Variants in HS3ST3B1 observed in about 807,000 individuals in gnomAD.
HS3ST3B1 encodes the protein heparan sulfate-glucosamine 3-sulfotransferase 3B1.
A neutral mutation model predicts 21.3 loss-of-function variants in HS3ST3B1; 13 were observed. The ratio of observed to expected loss-of-function variants is 0.61; its 90% confidence interval spans 0.40 to 0.97. HS3ST3B1 has a LOEUF of 0.97. HS3ST3B1 is among the 50% of genes least tolerant of loss of function. The pLI is 0.00. For missense variants in HS3ST3B1, 459 were observed against 554.8 expected, an observed-to-expected ratio of 0.83 and a Z score of 1.73; for synonymous variants, 234 against 254.8, an observed-to-expected ratio of 0.92 and a Z score of 0.78.
intron 1 of HS3ST3B1, among the ~76,000 whole-genome samples, chr17:14,307,422 A>AC (rs933922370): frequency 3.3e-5 from 5 of 152,022 alleles, no homozygotes; most frequent in African/African-American, 1.2e-4. Context: ...AAAAAAAAAA[A>AC]AACTTTTTAA....
At chr17:14,313,977 TTTG>T (rs1909418396) in intron 1 of HS3ST3B1, among the ~76,000 whole-genome samples, 1 of 151,996 alleles carries the variant, frequency 6.6e-6, no homozygotes, top group African/African-American at 2.4e-5. Flanking sequence ...GGTTTCTTTT[TTTG>T]TTTTTGTTTT....
intron 1 of HS3ST3B1, among the ~76,000 whole-genome samples, chr17:14,330,716 G>T (rs1238674969): frequency 6.6e-6 from 1 of 152,118 alleles, no homozygotes; most frequent in East Asian, 1.9e-4. Flanking sequence ...ACAAGGGAAG[G>T]CTGCTTTTCT....
chr17:14,313,124 G>GTGTGTATATATATATATATATT (rs1567637231), intron 1 of HS3ST3B1, among the ~76,000 whole-genome samples: 1 of 128,798 alleles, frequency 7.8e-6, no homozygotes, highest in Non-Finnish European at 1.6e-5. Context: ...ATATATATAT[G>GTGTGTATATATATATATATATT]TGTGTGTGTG....
intron 1 of HS3ST3B1, among the ~76,000 whole-genome samples, chr17:14,330,874 C>G (rs9891833): frequency 0.43 from 65,159 of 151,786 alleles, 14,242 homozygotes; most frequent in African/African-American, 0.52. Context: ...GAAAAAAGAA[C>G]GGTGTTAGAG....
At position 14,325,297 on chromosome 17, in the gene HS3ST3B1, C is replaced by T. The variant is rs140213520; in HGVS notation, c.555-19731C>T. Among the ~76,000 whole-genome samples the T allele has an allele frequency of 2.0e-4, 30 of 152,340 alleles. No homozygotes were observed. In the East Asian group the frequency reaches 5.8e-3, roughly 29 times the overall value. ...AAAATCATGCTCTCATCAAGGTATA[C>T]AATGAGTGTGTTAAAAACCTTATTT... On this transcript the variant is annotated intron_variant, in intron 1 of 1. Coordinates refer to ENST00000360954, the MANE Select transcript of HS3ST3B1 (RefSeq NM_006041.3).
intron 1 of HS3ST3B1, among the ~76,000 whole-genome samples, chr17:14,323,053 A>C (rs2005767): frequency 6.6e-6 from 1 of 151,900 alleles, no homozygotes; most frequent in African/African-American, 2.4e-5. Flanking sequence ...TTACAGGCAC[A>C]TGCCACCATG....
chr17:14,306,651 G>A (rs867908546), intron 1 of HS3ST3B1, among the ~76,000 whole-genome samples: 1 of 152,098 alleles, frequency 6.6e-6, no homozygotes, highest in Non-Finnish European at 1.5e-5. Flanking sequence ...AAACAAAATT[G>A]CCTCCTATTT....
chr17:14,326,921 C>CAAAAAAAAAAAAAA (rs60800866), intron 1 of HS3ST3B1, among the ~76,000 whole-genome samples: 1 of 60,484 alleles, frequency 1.7e-5, no homozygotes, highest in Non-Finnish European at 3.6e-5. Context: ...AACTCTGTCT[C>CAAAAAAAAAAAAAA]AAAAAAAAAA....
chr17:14,328,086 G>A (rs111592174), intron 1 of HS3ST3B1: 181 of 152,274 alleles, frequency 1.2e-3, no homozygotes, highest in African/African-American at 4.1e-3. Flanking sequence ...GGAGATGAAC[G>A]GGAATGCTTT....
At chr17:14,341,586 T>C (rs1335524552) in intron 1 of HS3ST3B1, among the ~76,000 whole-genome samples, 1 of 152,068 alleles carries the variant, frequency 6.6e-6, no homozygotes, top group Admixed American at 6.6e-5. Flanking sequence ...GATTAAGTGA[T>C]GTGTTCCCCA....
intron 1 of HS3ST3B1, among the ~76,000 whole-genome samples, chr17:14,343,452 A>G (rs932308889): frequency 2.0e-5 from 3 of 152,180 alleles, no homozygotes; most frequent in African/African-American, 7.2e-5. Flanking sequence ...ACTGAAACTT[A>G]GAACCCCCTG....
chr17:14,345,202 C>G lies in HS3ST3B1; in HGVS notation c.729C>G (p.Ser243=). 6.6e-7 allele frequency: 1 copy of G among 1,509,814 alleles called. No homozygotes were observed. The highest frequency in any genetic ancestry group is 9.1e-7 in the Non-Finnish European group (1 of 1,100,302). 93.5% of individuals were successfully genotyped at this position (1,509,814 alleles called of 1,614,324 possible). A position where few individuals can be genotyped will look rare whatever the true frequency, so the allele number is the denominator to read the frequency against. Residue 243 remains serine, a synonymous_variant, in exon 2 of 2, where the codon TCC becomes TCG. Transcript: ENST00000360954. ...RAISDYTQTL[S]KRPDIPTFES... ...TCTCGGACTACACGCAGACGCTGTC[C>G]AAGCGGCCCGACATCCCCACCTTCG...
intron 1 of HS3ST3B1, among the ~76,000 whole-genome samples, chr17:14,335,953 A>G (rs1401271266): frequency 6.6e-6 from 1 of 152,182 alleles, no homozygotes; most frequent in African/African-American, 2.4e-5. Flanking sequence ...ACCAAGAATG[A>G]TTTTTACTAT....
intron 1 of HS3ST3B1, among the ~76,000 whole-genome samples, chr17:14,323,778 A>G (rs9905840): frequency 0.044 from 6,654 of 152,170 alleles, 254 homozygotes; most frequent in African/African-American, 0.1. Context: ...ACCCAGGAAA[A>G]CATTGTCTTT....
Position 14,346,090 on chromosome 17 carries a change from A to G in HS3ST3B1, c.*444A>G, listed in dbSNP as rs1597606226. The G allele has an allele frequency of 1.2e-5, 2 of 170,816 alleles. No individual in the cohort carries two copies. The highest frequency in any genetic ancestry group is 3.4e-4 in the East Asian group (2 of 5,880). The allele number at this position is 170,816 out of a possible 1,614,324, so 10.6% of individuals were successfully genotyped here. On this transcript the variant is annotated 3_prime_UTR_variant, in exon 2 of 2. Transcript: ENST00000360954. ...GCTGCCTCAACAGGGCTGTATTCTGAAGGGCAGGCCTCATGCAGCAGCCTC... is the reference window on the plus strand; with the variant it reads ...GCTGCCTCAACAGGGCTGTATTCTGGAGGGCAGGCCTCATGCAGCAGCCTC...
At chr17:14,305,084 G>A (rs1567635053) in intron 1 of HS3ST3B1, 1 of 152,270 alleles carries the variant, frequency 6.6e-6, no homozygotes, top group Admixed American at 6.5e-5. Flanking sequence ...AACCCACCGA[G>A]GTGGTGTACA....
intron 1 of HS3ST3B1, among the ~76,000 whole-genome samples, chr17:14,332,482 C>T (rs570791228): frequency 2.1e-4 from 32 of 152,184 alleles, no homozygotes; most frequent in South Asian, 8.3e-4. Context: ...CTACCCTCCC[C>T]CATTCGCAGC....
At chr17:14,321,866 C>A (rs548413220) in intron 1 of HS3ST3B1, among the ~76,000 whole-genome samples, 2 of 151,934 alleles carry the variant, frequency 1.3e-5, no homozygotes, top group African/African-American at 2.4e-5. Flanking sequence ...GGCATTAGTG[C>A]GGAAGTGCAA....
rs777744096 is a variant in HS3ST3B1, at chr17:14,301,963, G to A, written c.445G>A (p.Gly149Ser). 14 of 1,608,400 alleles carry A rather than the reference G, an allele frequency of 8.7e-6. No homozygotes were observed. Among genetic ancestry groups the A allele is most frequent in the Admixed American group, 1.7e-5 (1 of 59,374 alleles). ...CATCATCATCGGCGTGAAGAAGGGC[G>A]GCACGCGGGCGCTGCTGGAGTTTCT... ...QAIIIGVKKG[G>S]TRALLEFLRV... Residue 149 changes from glycine to serine, a missense_variant, in exon 1 of 2, where the codon GGC (glycine) becomes AGC (serine). Gly to Ser is a moderately conservative substitution (Grantham distance 56). Coordinates refer to ENST00000360954, the MANE Select transcript of HS3ST3B1 (RefSeq NM_006041.3).
Sources: allele counts gnomAD v4.1 joint callset (sites outside exome capture counted in the v4.1 genomes callset), GRCh38; gene constraint gnomAD v4.1.1; transcripts MANE v1.5; gene names NCBI Gene and HGNC (gene_info 2026-07-23, HGNC 2026-07-21).